Variants in UGT2B15 observed in about 807,000 individuals in gnomAD.
UGT2B15 encodes UDP glucuronosyltransferase family 2 member B15, also known as UDP-glucuronosyltransferase 2B15.
A neutral mutation model predicts 45.9 loss-of-function variants in UGT2B15; 36 were observed. That is an observed-to-expected ratio of 0.78 (90% CI 0.60 to 1.04). The LOEUF is 1.04. Ranked by LOEUF, UGT2B15 falls within the 50% of genes least tolerant of loss-of-function variation. The probability of loss-of-function intolerance (pLI) is 0.00; values close to 1 mark genes in which losing one functional copy is unlikely to be tolerated. For missense variants in UGT2B15, 617 were observed against 622.4 expected (o/e 0.99, Z 0.09); for synonymous variants, 219 against 216.4 (o/e 1.01, Z -0.11).
At chr4:68,660,381 A>G (rs1314788396) in intron 3 of UGT2B15, among the ~76,000 whole-genome samples, 2 of 151,780 alleles carry the variant, frequency 1.3e-5, no homozygotes, top group Non-Finnish European at 1.5e-5. Context: ...AATTCACCCA[A>G]CTCGTAGGTA....
intron 5 of UGT2B15, among the ~76,000 whole-genome samples, chr4:68,648,561 G>T (rs1318473048): frequency 1.3e-5 from 2 of 151,834 alleles, no homozygotes; most frequent in South Asian, 4.2e-4. Flanking sequence ...AAAATATGTT[G>T]TATATCTTCT....
rs147164238 is a variant in UGT2B15 at position 68,647,289 on chromosome 4, G to A, written c.1408C>T (p.Arg470Cys). The change falls in exon 6 of 6, where the codon CGC (arginine) becomes TGC (cysteine). Residue 470 changes from arginine to cysteine, a missense_variant. This residue lies in a region of UGT2B15 where 265 missense variants were observed against 245.1 expected (regional missense o/e 1.08). Coordinates refer to ENST00000338206, the MANE Select transcript of UGT2B15 (RefSeq NM_001076.4). ...RAVFWIEFVM[R>C]HKGAKHLRVA... is the part of the protein sequence containing the mutation. The stretch of plus-strand genomic sequence containing the variant: ...CGAAGGTGCTTGGCTCCTTTGTGGC[G>A]CATGACAAACTCAATCCAGAAGACT... 3.8e-3 allele frequency: 6,205 copies of A among 1,613,910 alleles called. 55 individuals carry two copies. Among genetic ancestry groups the A allele is most frequent in the Non-Finnish European group, 4.8e-3 (5,645 of 1,179,870 alleles).
At chr4:68,648,890 A>C (rs1439057998) in intron 5 of UGT2B15, among the ~76,000 whole-genome samples, 1 of 152,066 alleles carries the variant, frequency 6.6e-6, no homozygotes, top group Non-Finnish European at 1.5e-5. Flanking sequence ...GACAAAGACC[A>C]CAGATGATCT....
chr4:68,653,985 G>A (rs1011547172), intron 5 of UGT2B15, 52 bp downstream of exon 5: 4 of 1,595,586 alleles, frequency 2.5e-6, no homozygotes, highest in Non-Finnish European at 3.4e-6. Context: ...CATATTCACT[G>A]TTGACAAAAT....
At chr4:68,647,405 A>G (rs1168699004) in intron 5 of UGT2B15, 22 bp from the exon 6 acceptor site, 1 of 1,593,894 alleles carries the variant, frequency 6.3e-7, no homozygotes, top group African/African-American at 1.3e-5. Context: ...ATATAAAGAT[A>G]TCAACATTAA....
intron 2 of UGT2B15, among the ~76,000 whole-genome samples, chr4:68,663,849 TG>T (rs1560609779): frequency 6.6e-6 from 1 of 151,642 alleles, no homozygotes; most frequent in East Asian, 1.9e-4. Flanking sequence ...TTGGAATTTC[TG>T]GGAAATAGTT....
At chr4:68,661,174 A>G (rs1325775120) in intron 3 of UGT2B15, among the ~76,000 whole-genome samples, 1 of 152,036 alleles carries the variant, frequency 6.6e-6, no homozygotes, top group African/African-American at 2.4e-5. Flanking sequence ...TGTAAAAGGA[A>G]AATAAGCCTG....
rs2109839152 is a variant in UGT2B15 at position 68,670,497 on chromosome 4, G to C, written c.122C>G (p.Thr41Arg). 3 of 1,614,022 alleles carry C rather than the reference G, an allele frequency of 1.9e-6. No individual in the cohort carries two copies. The highest frequency in any genetic ancestry group is 2.5e-6 in the Non-Finnish European group (3 of 1,179,986). The stretch of plus-strand genomic sequence containing the variant: ...CCTCTGAACAAGCTCTTCCAGGATT[G>C]TCTTCATATTTATCCAATGGCTGTA... ...TEYSHWINMK[T>R]ILEELVQRGH... Residue 41 changes from threonine to arginine, a missense_variant, in exon 1 of 6, where the codon ACA becomes AGA. Thr to Arg is a moderately conservative substitution (Grantham distance 71, BLOSUM62 -1). Around this residue, in one of 3 missense-constraint regions of UGT2B15, gnomAD observed 351 missense variants for 342.1 expected, o/e 1.03. Coordinates refer to ENST00000338206, the MANE Select transcript of UGT2B15 (RefSeq NM_001076.4).
chr4:68,668,138 T>G lies in UGT2B15; in HGVS notation c.775A>C (p.Ile259Leu). The G allele has an allele frequency of 5.0e-6, 8 of 1,613,806 alleles. No homozygotes were observed. The highest frequency in any genetic ancestry group is 5.9e-6 in the Non-Finnish European group (7 of 1,179,804). Residue 259 changes from isoleucine to leucine, a missense_variant, in exon 2 of 6, where the codon ATT becomes CTT. Ile to Leu is a conservative substitution (Grantham distance 5). Transcript: ENST00000338206. The stretch of plus-strand genomic sequence containing the variant: ...AATTCAAAATCCCAATAGGTTCGAA[T>G]GAGCCACATTTCAGCTTTCCCCATT... Reference protein sequence around the residue: ...ETMGKAEMWLIRTYWDFEFPR... With the variant: ...ETMGKAEMWLLRTYWDFEFPR...
chr4:68,661,685 ATTTCT>A (rs936677156), intron 3 of UGT2B15, among the ~76,000 whole-genome samples: 3 of 152,084 alleles, frequency 2.0e-5, no homozygotes, highest in Non-Finnish European at 2.9e-5. Flanking sequence ...AGTATGTGTA[ATTTCT>A]TTTCATTTGC....
chr4:68,664,012 G>A (rs565564580), intron 2 of UGT2B15, among the ~76,000 whole-genome samples: 450 of 152,036 alleles, frequency 3.0e-3, no homozygotes, highest in Non-Finnish European at 5.4e-3. Flanking sequence ...ACTGAATGTG[G>A]GGGACCCTCA....
chr4:68,661,329 T>C (rs1732960079), intron 3 of UGT2B15, among the ~76,000 whole-genome samples: 1 of 151,972 alleles, frequency 6.6e-6, no homozygotes, highest in Non-Finnish European at 1.5e-5. Flanking sequence ...TGCTTCAAGT[T>C]GGCAAAAATA....
chr4:68,669,919 C>T lies in UGT2B15; in HGVS notation c.700G>A (p.Asp234Asn), dbSNP rs761032884. Residue 234 changes from aspartate to asparagine, a missense_variant, in exon 1 of 6, where the codon GAC becomes AAC. By Grantham distance (23) the Asp-to-Asn change is conservative (BLOSUM62 1). This residue lies in a region of UGT2B15 where 351 missense variants were observed against 342.1 expected (regional missense o/e 1.03). Coordinates refer to ENST00000338206, the MANE Select transcript of UGT2B15 (RefSeq NM_001076.4). ...CCTAGAACTTCACTATAAAACTGGT[C>T]CCACTTCTTCAGATCATAAATTTGA... is the stretch of plus-strand genomic sequence containing the variant. ...WFQIYDLKKW[D>N]QFYSEVLGRP... The T allele has an allele frequency of 1.9e-6, 3 of 1,611,490 alleles. No individual in the cohort carries two copies. The highest frequency in any genetic ancestry group is 1.7e-5 in the Admixed American group (1 of 59,124).
intron 3 of UGT2B15, among the ~76,000 whole-genome samples, chr4:68,658,337 C>A (rs998090612): frequency 2.0e-5 from 3 of 151,946 alleles, no homozygotes; most frequent in Admixed American, 6.6e-5. Context: ...AATGCTTTTT[C>A]AAGTTTATGT....
intron 2 of UGT2B15, among the ~76,000 whole-genome samples, chr4:68,663,398 A>G (rs1733021815): frequency 6.6e-6 from 1 of 152,104 alleles, no homozygotes; most frequent in African/African-American, 2.4e-5. Context: ...AAGCTATGAC[A>G]CTGCAGTAGG....
At chr4:68,648,856 G>A (rs927858168) in intron 5 of UGT2B15, among the ~76,000 whole-genome samples, 30 of 151,918 alleles carry the variant, frequency 2.0e-4, no homozygotes, top group Non-Finnish European at 5.9e-5. Flanking sequence ...TAATAGCATT[G>A]GTGTAGAGAG....
In UGT2B15 at chr4:68,670,066, C is replaced by T. The variant is rs763788703; in HGVS notation, c.553G>A (p.Gly185Ser). ...GAAGGAGGGAACAGAAATCCTCCAC[C>T]ATTCTTCTCAAATGTGTAGCCAACA... ...FSVGYTFEKN[G>S]GGFLFPPSYV... is the part of the protein sequence containing the mutation. The change falls in exon 1 of 6, where the codon GGT becomes AGT. Residue 185 changes from glycine to serine, a missense_variant. By Grantham distance (56) the Gly-to-Ser change is moderately conservative (BLOSUM62 0). This residue lies in a region of UGT2B15 where 351 missense variants were observed against 342.1 expected (regional missense o/e 1.03). Coordinates refer to ENST00000338206, the MANE Select transcript of UGT2B15 (RefSeq NM_001076.4). 4 of 1,613,916 alleles carry T rather than the reference C, an allele frequency of 2.5e-6. No homozygotes were observed. Among genetic ancestry groups the T allele is most frequent in the Non-Finnish European group, 3.4e-6 (4 of 1,179,972 alleles).
intron 5 of UGT2B15, among the ~76,000 whole-genome samples, chr4:68,652,331 C>A (rs1732679603): frequency 6.6e-6 from 1 of 151,940 alleles, no homozygotes; most frequent in Non-Finnish European, 1.5e-5. Context: ...CAAACAGAGA[C>A]AATTTAACTT....
intron 2 of UGT2B15, among the ~76,000 whole-genome samples, chr4:68,665,612 T>A (rs1444429837): frequency 6.6e-6 from 1 of 152,108 alleles, no homozygotes; most frequent in Non-Finnish European, 1.5e-5. Flanking sequence ...TTGGCAAGAG[T>A]CTTATTCTTT....
Sources: allele counts gnomAD v4.1 joint callset (sites outside exome capture counted in the v4.1 genomes callset), GRCh38; gene constraint gnomAD v4.1.1; regional missense constraint gnomAD v4.1.1; transcripts MANE v1.5; gene names NCBI Gene and HGNC (gene_info 2026-07-23, HGNC 2026-07-21).